The following REEP1 variants were observed in gnomAD, a reference collection of about 807,000 sequenced individuals.
REEP1 encodes the protein receptor accessory protein 1, also known as receptor expression-enhancing protein 1.
REEP1 carries 22 observed loss-of-function variants against 40.3 expected under a neutral mutation model. The observed-to-expected ratio is 0.55, with a 90% CI of 0.39 to 0.78. The LOEUF (loss-of-function observed/expected upper bound fraction) is 0.78. REEP1 is among the 30% of genes least tolerant of loss of function. The probability of loss-of-function intolerance (pLI) is 0.00; values close to 1 mark genes in which losing one functional copy is unlikely to be tolerated. For synonymous variants in REEP1, 116 were observed against 139.2 expected, an observed-to-expected ratio of 0.83 and a Z score of 1.17; for missense variants, 280 against 361.1, an observed-to-expected ratio of 0.78 and a Z score of 1.82.
intron 1 of REEP1, among the ~76,000 whole-genome samples, chr2:86,333,604 C>T (rs1378399842): frequency 1.3e-5 from 2 of 152,110 alleles, no homozygotes; most frequent in African/African-American, 4.8e-5. Context: ...GGGCCTTGGC[C>T]AAGACAATGA....
chr2:86,277,101 A>T (rs1428229204), intron 2 of REEP1, among the ~76,000 whole-genome samples: 1 of 152,234 alleles, frequency 6.6e-6, no homozygotes, highest in Admixed American at 6.5e-5. Context: ...TCACGCCAGT[A>T]GGAAATAGAT....
At chr2:86,261,142 A>G (rs4832265) in intron 3 of REEP1, among the ~76,000 whole-genome samples, 55,416 of 152,014 alleles carry the variant, frequency 0.36, 12,027 homozygotes, top group East Asian at 0.58. Flanking sequence ...TGGGCTCATG[A>G]GACTAACACG....
At chr2:86,252,494 A>T (rs1676342617) in intron 4 of REEP1, among the ~76,000 whole-genome samples, 1 of 138,856 alleles carries the variant, frequency 7.2e-6, no homozygotes, top group Non-Finnish European at 1.6e-5. Context: ...AAGCCTCTCT[A>T]CACACAGTTT....
Position 86,236,879 on chromosome 2 carries a change from T to C in REEP1, c.418-4077A>G, listed in dbSNP as rs564908591. On this transcript the variant is annotated intron_variant, in intron 5 of 8. Coordinates refer to ENST00000538924, the MANE Select transcript of REEP1 (RefSeq NM_001371279.1). ...CCTCCAGAGTAGCTGGGACAACAGGTGCCCGCCACCACGCCTGGCTAATTT... is the reference window on the plus strand; with the variant it reads ...CCTCCAGAGTAGCTGGGACAACAGGCGCCCGCCACCACGCCTGGCTAATTT... Among the ~76,000 whole-genome samples the C allele has an allele frequency of 7.9e-5, 12 of 152,124 alleles. No individual in the cohort carries two copies. In the East Asian group the frequency reaches 1.4e-3, roughly 17 times the overall value.
intron 1 of REEP1, among the ~76,000 whole-genome samples, chr2:86,309,345 G>C (rs79699712): frequency 0.079 from 12,034 of 152,276 alleles, 781 homozygotes; most frequent in African/African-American, 0.17. Context: ...CCCTGGTCAA[G>C]GCTATCTTGG....
At chr2:86,245,157 G>T (rs1183469393) in intron 5 of REEP1, among the ~76,000 whole-genome samples, 6 of 152,010 alleles carry the variant, frequency 3.9e-5, no homozygotes. Context: ...AAACAAAGGG[G>T]GTGGGGGGCT....
At chr2:86,252,629 TCTTC>T (rs1676350479) in intron 4 of REEP1, among the ~76,000 whole-genome samples, 1 of 152,254 alleles carries the variant, frequency 6.6e-6, no homozygotes, top group Middle Eastern at 3.2e-3. Flanking sequence ...AACCATGTCA[TCTTC>T]CTTATCTTGA....
upstream of REEP1, chr2:86,338,011 A>T: frequency 6.5e-7 from 1 of 1,536,676 alleles, no homozygotes; most frequent in Non-Finnish European, 8.7e-7. Context: ...CGTTAGCCTC[A>T]TAAAGGGTTT....
chr2:86,261,697 C>G (rs1035027523), intron 3 of REEP1, among the ~76,000 whole-genome samples: 1 of 152,130 alleles, frequency 6.6e-6, no homozygotes, highest in African/African-American at 2.4e-5. Flanking sequence ...AAGACCTGAC[C>G]GTCCCCCAGC....
At chr2:86,328,328 G>A (rs1351228194) in intron 1 of REEP1, among the ~76,000 whole-genome samples, 1 of 152,152 alleles carries the variant, frequency 6.6e-6, no homozygotes. Flanking sequence ...GGCAGTCTAA[G>A]CCCTAGTTGT....
intron 5 of REEP1, among the ~76,000 whole-genome samples, chr2:86,237,078 G>T (rs967876702): frequency 1.3e-5 from 2 of 152,134 alleles, no homozygotes; most frequent in African/African-American, 4.8e-5. Flanking sequence ...CTGAAATTGG[G>T]GTGGGTCTTA....
intron 5 of REEP1, among the ~76,000 whole-genome samples, chr2:86,236,102 G>C (rs929116203): frequency 6.6e-6 from 1 of 152,012 alleles, no homozygotes; most frequent in Non-Finnish European, 1.5e-5. Flanking sequence ...TGTAATCTCA[G>C]CTACTTGGGA....
chr2:86,238,342 G>C (rs1175879410), intron 5 of REEP1, among the ~76,000 whole-genome samples: 4 of 152,208 alleles, frequency 2.6e-5, no homozygotes, highest in African/African-American at 4.8e-5. Context: ...GCACTTCTCA[G>C]AGCAGCTTTC....
rs376170664 is a variant in REEP1 at position 86,288,064 on chromosome 2, G to C, written c.33-5822C>G. ...TGAGATGGAGTCTCGCTCCCATTGT[G>C]CAGGCTGGAGTGCAGTGGCACAATC... is the stretch of plus-strand genomic sequence containing the variant. On this transcript the variant is annotated intron_variant, in intron 1 of 8. Transcript: ENST00000538924. 3.4e-4 allele frequency among the ~76,000 whole-genome samples: 48 copies of C among 141,520 alleles called. 4 individuals carry two copies. In the East Asian group the frequency reaches 5.4e-3, roughly 16 times the overall value. 92.8% of individuals were successfully genotyped at this position (141,520 alleles called of 152,430 possible). A position where few individuals can be genotyped will look rare whatever the true frequency, so the allele number is the denominator to read the frequency against.
At chr2:86,269,371 T>TA (rs1341049134) in intron 2 of REEP1, among the ~76,000 whole-genome samples, 1 of 152,186 alleles carries the variant, frequency 6.6e-6, no homozygotes, top group Non-Finnish European at 1.5e-5. Flanking sequence ...TTGTCTAAGT[T>TA]ATATTTGTTG....
intron 1 of REEP1, among the ~76,000 whole-genome samples, chr2:86,313,671 C>A (rs576625513): frequency 6.6e-6 from 1 of 152,336 alleles, no homozygotes; most frequent in South Asian, 2.1e-4. Context: ...TAATGCCCAC[C>A]TCCCCAGTTT....
intron 2 of REEP1, among the ~76,000 whole-genome samples, chr2:86,275,902 C>T (rs1206094155): frequency 2.0e-5 from 3 of 152,138 alleles, no homozygotes; most frequent in African/African-American, 7.2e-5. Context: ...CTGAGAGACT[C>T]CTGTTGAGGT....
intron 6 of REEP1, among the ~76,000 whole-genome samples, chr2:86,227,758 C>T (rs1674792195): frequency 6.6e-6 from 1 of 152,204 alleles, no homozygotes; most frequent in Non-Finnish European, 1.5e-5. Context: ...AGGAAACCTC[C>T]CCAGACTTAC....
At chr2:86,220,903 A>G (rs537616372) in intron 7 of REEP1, among the ~76,000 whole-genome samples, 1 of 152,334 alleles carries the variant, frequency 6.6e-6, no homozygotes, top group South Asian at 2.1e-4. Flanking sequence ...ATGCTAATAC[A>G]TATTCCATGT....
Sources: gnomAD v4.1 joint callset for allele counts (sites outside exome capture counted in the v4.1 genomes callset) on GRCh38, gnomAD v4.1.1 for gene constraint, MANE v1.5 for transcripts, NCBI Gene and HGNC (gene_info 2026-07-23, HGNC 2026-07-21) for gene names.